The following CHCHD3 variants were observed in gnomAD, a reference collection of about 807,000 sequenced individuals.
The protein encoded by CHCHD3 is MICOS complex subunit MIC19.
CHCHD3 carries 20 observed loss-of-function variants against 38.2 expected under a neutral mutation model. That is an observed-to-expected ratio of 0.52 (90% CI 0.37 to 0.76). The LOEUF (loss-of-function observed/expected upper bound fraction) is 0.76, where lower values mean the gene tolerates loss of function less well. CHCHD3 is among the 30% of genes least tolerant of loss of function. The pLI is 0.00. For synonymous variants in CHCHD3, 82 were observed against 100.0 expected, an observed-to-expected ratio of 0.82 and a Z score of 1.07; for missense variants, 245 against 279.2, an observed-to-expected ratio of 0.88 and a Z score of 0.87.
chr7:133,047,419 T>C (rs1458604615), intron 2 of CHCHD3, among the ~76,000 whole-genome samples: 2 of 152,196 alleles, frequency 1.3e-5, no homozygotes, highest in African/African-American at 4.8e-5. Context: ...CCTGCCTGAA[T>C]TAACAAGAAG....
intron 2 of CHCHD3, among the ~76,000 whole-genome samples, chr7:133,067,960 T>C (rs1050882216): frequency 3.3e-5 from 5 of 151,890 alleles, no homozygotes; most frequent in African/African-American, 9.7e-5. Context: ...ACTAAAAATA[T>C]AAAAAATTAG....
intron 6 of CHCHD3, among the ~76,000 whole-genome samples, chr7:132,808,206 C>A (rs1358719098): frequency 2.0e-5 from 3 of 152,174 alleles, no homozygotes; most frequent in Admixed American, 6.6e-5. Context: ...AGTCATGGGG[C>A]AAGCCATTGG....
intron 3 of CHCHD3, among the ~76,000 whole-genome samples, chr7:133,010,515 G>A (rs1018654214): frequency 4.6e-5 from 7 of 152,012 alleles, no homozygotes; most frequent in African/African-American, 1.4e-4. Context: ...AAATATTATC[G>A]TAATTTAATA....
chr7:132,951,920 G>C (rs564468456), intron 4 of CHCHD3, among the ~76,000 whole-genome samples: 85 of 152,302 alleles, frequency 5.6e-4, no homozygotes, highest in African/African-American at 1.9e-3. Flanking sequence ...TCTAAAGCCA[G>C]TGCTCTCTTC....
intron 3 of CHCHD3, among the ~76,000 whole-genome samples, chr7:132,989,917 A>G (rs961346653): frequency 6.6e-6 from 1 of 152,204 alleles, no homozygotes; most frequent in Non-Finnish European, 1.5e-5. Context: ...ATACGGGTGA[A>G]TAATGGTGGG....
At chr7:132,995,373 G>C (rs1435522810) in intron 3 of CHCHD3, among the ~76,000 whole-genome samples, 1 of 151,994 alleles carries the variant, frequency 6.6e-6, no homozygotes, top group Admixed American at 6.6e-5. Flanking sequence ...GTTTCCTTCC[G>C]CTCCCTTAAG....
intron 2 of CHCHD3, among the ~76,000 whole-genome samples, chr7:133,064,583 T>C (rs1430819249): frequency 6.6e-6 from 1 of 152,208 alleles, no homozygotes; most frequent in Non-Finnish European, 1.5e-5. Context: ...ACAGAACTTA[T>C]ACATGAATCT....
intron 4 of CHCHD3, among the ~76,000 whole-genome samples, chr7:132,902,378 T>C (rs552207402): frequency 1.8e-4 from 28 of 152,202 alleles, no homozygotes; most frequent in Non-Finnish European, 2.9e-4. Flanking sequence ...CGTATGTTTA[T>C]TGCAGCACTA....
chr7:132,891,083 G>A (rs370985583), intron 4 of CHCHD3, among the ~76,000 whole-genome samples: 2 of 152,158 alleles, frequency 1.3e-5, no homozygotes, highest in African/African-American at 4.8e-5. Flanking sequence ...TTTAGAAGCT[G>A]TAAAACATGA....
chr7:133,075,312 A>G (rs1305325539), intron 1 of CHCHD3, among the ~76,000 whole-genome samples: 2 of 152,194 alleles, frequency 1.3e-5, no homozygotes, highest in Non-Finnish European at 2.9e-5. Flanking sequence ...AAGGCTTGAT[A>G]AACATATTGT....
In CHCHD3 at chr7:133,016,208, T is replaced by C. The variant is rs540155799; in HGVS notation, c.251+8338A>G. Among the ~76,000 whole-genome samples the C allele has an allele frequency of 3.3e-5, 5 of 152,308 alleles. No homozygotes were observed. In the East Asian group the frequency reaches 9.7e-4, roughly 29 times the overall value. On this transcript the variant is annotated intron_variant, in intron 3 of 7. Transcript: ENST00000262570. Reference sequence around the variant, plus strand: ...ATAAAATGAGGATAACAGTAATGCCTACCCAGTAGGGGTGTTATATAGTTG... The same window carrying C: ...ATAAAATGAGGATAACAGTAATGCCCACCCAGTAGGGGTGTTATATAGTTG...
chr7:132,987,445 T>A (rs1461098241), intron 3 of CHCHD3, among the ~76,000 whole-genome samples: 1 of 151,802 alleles, frequency 6.6e-6, no homozygotes, highest in Non-Finnish European at 1.5e-5. Flanking sequence ...CCAAAAAAGG[T>A]GGGAGATGAA....
chr7:132,962,755 C>T (rs1278664088), intron 4 of CHCHD3, among the ~76,000 whole-genome samples: 1 of 152,182 alleles, frequency 6.6e-6, no homozygotes, highest in Non-Finnish European at 1.5e-5. Context: ...TTCTTCACCT[C>T]TTTTTTGCCC....
chr7:133,075,482 A>G (rs915568649), intron 1 of CHCHD3, among the ~76,000 whole-genome samples: 1 of 152,190 alleles, frequency 6.6e-6, no homozygotes, highest in African/African-American at 2.4e-5. Context: ...ATAGCGACGT[A>G]GATATGAGGT....
At chr7:132,894,107 G>A (rs1481322915) in intron 4 of CHCHD3, among the ~76,000 whole-genome samples, 4 of 152,132 alleles carry the variant, frequency 2.6e-5, no homozygotes. Context: ...GTGGTGTTTT[G>A]CTTTAAATTA....
intron 4 of CHCHD3, among the ~76,000 whole-genome samples, chr7:132,887,893 C>A (rs1414596953): frequency 6.6e-6 from 1 of 151,684 alleles, no homozygotes. Flanking sequence ...ATAAAATTAA[C>A]AAGTCTTTAA....
chr7:132,913,091 A>C (rs1187636661), intron 4 of CHCHD3, among the ~76,000 whole-genome samples: 1 of 152,142 alleles, frequency 6.6e-6, no homozygotes, highest in African/African-American at 2.4e-5. Context: ...CAAAACCCCA[A>C]CTGTGTCAAG....
chr7:133,077,621 G>A (rs184818269), intron 1 of CHCHD3, among the ~76,000 whole-genome samples: 3 of 152,344 alleles, frequency 2.0e-5, no homozygotes, highest in Non-Finnish European at 4.4e-5. Flanking sequence ...ACTTGCGAAA[G>A]ATAGAGTTGT....
intron 6 of CHCHD3, among the ~76,000 whole-genome samples, chr7:132,834,591 G>A (rs1314321302): frequency 6.6e-6 from 1 of 152,172 alleles, no homozygotes; most frequent in Non-Finnish European, 1.5e-5. Context: ...ATAATTCACT[G>A]AAAGAACTCA....
Sources: gnomAD v4.1 joint callset for allele counts (sites outside exome capture counted in the v4.1 genomes callset) on GRCh38, gnomAD v4.1.1 for gene constraint, MANE v1.5 for transcripts, NCBI Gene and HGNC (gene_info 2026-07-23, HGNC 2026-07-21) for gene names.